Variants in FAF1 observed in about 807,000 individuals in gnomAD.
FAF1 encodes FAS-associated factor 1.
In FAF1, 25 loss-of-function variants were observed where a neutral mutation model predicts 92.5. That is an observed-to-expected ratio of 0.27 (90% CI 0.20 to 0.38). The LOEUF (loss-of-function observed/expected upper bound fraction) is 0.38. FAF1 is among the 10% of genes least tolerant of loss of function. The pLI is 1.00. For synonymous variants in FAF1, 234 were observed against 273.2 expected (o/e 0.86, Z 1.42); for missense variants, 636 against 793.3 (o/e 0.80, Z 2.38).
intron 8 of FAF1, among the ~76,000 whole-genome samples, chr1:50,643,728 G>T (rs981807375): frequency 1.3e-5 from 2 of 152,146 alleles, no homozygotes; most frequent in African/African-American, 2.4e-5. Context: ...GAGTAGTTGG[G>T]ATTACAAGCA....
At chr1:50,658,613 TC>T (rs1168174636) in intron 7 of FAF1, among the ~76,000 whole-genome samples, 1 of 152,224 alleles carries the variant, frequency 6.6e-6, no homozygotes, top group Non-Finnish European at 1.5e-5. Context: ...ACAAAAGTGA[TC>T]AAAGTCAGAG....
At chr1:50,547,974 C>T (rs1649116387) in intron 13 of FAF1, among the ~76,000 whole-genome samples, 1 of 152,116 alleles carries the variant, frequency 6.6e-6, no homozygotes, top group African/African-American at 2.4e-5. Context: ...TGATCATAGA[C>T]TCTTAGGAGG....
intron 3 of FAF1, among the ~76,000 whole-genome samples, chr1:50,801,225 C>T (rs1284132349): frequency 2.0e-5 from 3 of 152,086 alleles, no homozygotes; most frequent in South Asian, 4.1e-4. Context: ...TGATTTAGAA[C>T]CCAAAAGGGA....
At chr1:50,443,675 T>C (rs78863286) in intron 18 of FAF1, among the ~76,000 whole-genome samples, 4 of 152,166 alleles carry the variant, frequency 2.6e-5, no homozygotes, top group African/African-American at 9.7e-5. Context: ...ATGGGAATCA[T>C]AGTTTCTCCT....
intron 1 of FAF1, among the ~76,000 whole-genome samples, chr1:50,950,766 C>T (rs1281408179): frequency 6.6e-6 from 1 of 152,156 alleles, no homozygotes; most frequent in Non-Finnish European, 1.5e-5. Flanking sequence ...CCTTTCTCTT[C>T]CTTCCTTCCT....
chr1:50,567,595 A>G (rs538876726), intron 12 of FAF1, among the ~76,000 whole-genome samples: 55 of 152,208 alleles, frequency 3.6e-4, no homozygotes, highest in African/African-American at 1.2e-3. Flanking sequence ...ATTAACTTTG[A>G]ACTGTTCAAC....
intron 18 of FAF1, among the ~76,000 whole-genome samples, chr1:50,463,012 G>T (rs1471502704): frequency 6.6e-6 from 1 of 152,172 alleles, no homozygotes; most frequent in East Asian, 1.9e-4. Flanking sequence ...GGTTTGAGAA[G>T]GGTTACCATT....
chr1:50,586,902 C>A (rs1311128012), intron 9 of FAF1, among the ~76,000 whole-genome samples: 1 of 152,170 alleles, frequency 6.6e-6, no homozygotes, highest in African/African-American at 2.4e-5. Context: ...ACCACATGTT[C>A]TTTTACAGTG....
intron 9 of FAF1, among the ~76,000 whole-genome samples, chr1:50,585,545 C>T (rs994942873): frequency 1.3e-5 from 2 of 152,066 alleles, no homozygotes; most frequent in African/African-American, 2.4e-5. Flanking sequence ...GAATGTGATT[C>T]TGAAATACTG....
At chr1:50,584,876 TATAATA>T (rs1572850292) in intron 9 of FAF1, 65 bp from the exon 10 acceptor site, 1 of 1,431,602 alleles carries the variant, frequency 7.0e-7, no homozygotes, top group Non-Finnish European at 9.7e-7. Context: ...AAGAATAAGT[TATAATA>T]ATAACAACAG....
At chr1:50,936,375 GAGTA>G (rs1645085152) in intron 1 of FAF1, among the ~76,000 whole-genome samples, 1 of 152,080 alleles carries the variant, frequency 6.6e-6, no homozygotes, top group South Asian at 2.1e-4. Flanking sequence ...ACAGAGGAGG[GAGTA>G]AGTAACTGTC....
rs376478110 is a variant in FAF1 at position 50,539,662 on chromosome 1, C to G, written c.1335G>C (p.Thr445=). Residue 445 remains threonine (T), a synonymous_variant, in exon 14 of 19, where the codon ACG becomes ACC. Transcript: ENST00000396153. ...VVAQTIRTQK[T]DQFPLFLIIM... ...TAATCAGGAAAAGCGGAAACTGATC[C>G]GTTTTTTGAGTCCGAATGGTTTGTG... The G allele has an allele frequency of 5.0e-6, 8 of 1,612,172 alleles. No homozygotes were observed. The highest frequency in any genetic ancestry group is 5.9e-6 in the Non-Finnish European group (7 of 1,178,586).
chr1:50,478,278 C>A (rs540923323), intron 17 of FAF1, among the ~76,000 whole-genome samples: 1 of 152,140 alleles, frequency 6.6e-6, no homozygotes, highest in African/African-American at 2.4e-5. Context: ...ATTCTCCCAC[C>A]TCAGCCTCCC....
intron 7 of FAF1, among the ~76,000 whole-genome samples, chr1:50,661,680 A>G (rs1034392277): frequency 9.2e-5 from 14 of 152,218 alleles, no homozygotes; most frequent in African/African-American, 3.1e-4. Flanking sequence ...CATTGAGCAA[A>G]TAAGTATTTG....
chr1:50,585,077 C>T (rs1651160417), intron 9 of FAF1, among the ~76,000 whole-genome samples: 1 of 152,028 alleles, frequency 6.6e-6, no homozygotes, highest in South Asian at 2.1e-4. Flanking sequence ...TTGTCTTTTT[C>T]CCCAGCATAT....
At chr1:50,766,791 C>CAA (rs765570305) in intron 4 of FAF1, among the ~76,000 whole-genome samples, 1,298 of 61,748 alleles carry the variant, frequency 0.021, 26 homozygotes, top group Non-Finnish European at 0.027. Context: ...AGCAAGCAAG[C>CAA]AAAAAAAAAA....
At chr1:50,918,898 G>A (rs1644941277) in intron 1 of FAF1, among the ~76,000 whole-genome samples, 1 of 151,184 alleles carries the variant, frequency 6.6e-6, no homozygotes, top group Non-Finnish European at 1.5e-5. Context: ...ACTGGTGTGA[G>A]ATGATATCTC....
chr1:50,952,448 C>G (rs1389762281), intron 1 of FAF1, among the ~76,000 whole-genome samples: 3 of 152,198 alleles, frequency 2.0e-5, no homozygotes, highest in Non-Finnish European at 4.4e-5. Context: ...GGCGTGATCT[C>G]GGCTCGCTAC....
At chr1:50,902,121 G>A (rs1287879291) in intron 1 of FAF1, among the ~76,000 whole-genome samples, 1 of 152,174 alleles carries the variant, frequency 6.6e-6, no homozygotes, top group African/African-American at 2.4e-5. Flanking sequence ...TTCAGTCCAT[G>A]TCAGATAGAG....
Sources: gnomAD v4.1 joint callset for allele counts (sites outside exome capture counted in the v4.1 genomes callset) on GRCh38, gnomAD v4.1.1 for gene constraint, MANE v1.5 for transcripts, NCBI Gene and HGNC (gene_info 2026-07-23, HGNC 2026-07-21) for gene names.